PPARGC1A: variants seen among roughly 807,000 people sequenced by gnomAD.
PPARGC1A encodes PPARG coactivator 1 alpha, also known as peroxisome proliferator-activated receptor gamma coactivator 1-alpha.
In PPARGC1A, 25 loss-of-function variants were observed where a neutral mutation model predicts 88.7. The ratio of observed to expected loss-of-function variants is 0.28; its 90% CI spans 0.21 to 0.39. The LOEUF is 0.39. Among genes scored for constraint, PPARGC1A ranks in the 10% least tolerant of loss-of-function variants. The pLI is 1.00. For missense variants in PPARGC1A, 880 were observed against 968.7 expected, an observed-to-expected ratio of 0.91 and a Z score of 1.22; for synonymous variants, 363 against 355.6, an observed-to-expected ratio of 1.02 and a Z score of -0.24.
the PPARGC1A span, among the ~76,000 whole-genome samples, chr4:24,255,292 A>G: frequency 5.3e-5 from 8 of 152,222 alleles, no homozygotes; most frequent in Non-Finnish European, 1.0e-4. Context: ...TAATGCTGTG[A>G]TACTATTATG....
chr4:24,041,862 A>G, the PPARGC1A span, among the ~76,000 whole-genome samples: 361 of 152,056 alleles, frequency 2.4e-3, 1 homozygote, highest in African/African-American at 7.9e-3. Flanking sequence ...AAAGAGTCCT[A>G]CTTTCAGGTG....
chr4:24,393,047 A>ACACACC, the PPARGC1A span, among the ~76,000 whole-genome samples: 3 of 102,474 alleles, frequency 2.9e-5, no homozygotes, highest in Admixed American at 2.2e-4. Context: ...ACACACACAC[A>ACACACC]CCCCTTTTTC....
the PPARGC1A span, among the ~76,000 whole-genome samples, chr4:23,985,088 G>C: frequency 6.6e-6 from 1 of 152,112 alleles, no homozygotes. Context: ...GTGAAAGTTT[G>C]GAGGACAAAA....
At chr4:23,982,204 G>T in the PPARGC1A span, among the ~76,000 whole-genome samples, 1 of 151,832 alleles carries the variant, frequency 6.6e-6, no homozygotes, top group East Asian at 1.9e-4. Flanking sequence ...CTATAGCAAA[G>T]ATCTTCAAAA....
Position 23,849,807 on chromosome 4 carries a change from AT to A in PPARGC1A, c.235-18057del, listed in dbSNP as rs201793553. On this transcript the variant is annotated intron_variant, in intron 2 of 12. Coordinates refer to ENST00000264867, the MANE Select transcript of PPARGC1A (RefSeq NM_013261.5). ...TCTTGTATTTATTTGTAGATTTAGA[AT>A]TTTTTTTTTTTTTTGGAGGGCAGGT... is the stretch of plus-strand genomic sequence containing the variant. Among the ~76,000 whole-genome samples the A allele has an allele frequency of 8.2e-3, 1,183 of 144,380 alleles. 12 individuals are homozygous for A. The highest frequency in any genetic ancestry group is 0.053 in the East Asian group (264 of 4,956). The allele number at this position is 144,380 out of a possible 152,430, so 94.7% of individuals were successfully genotyped here.
the PPARGC1A span, among the ~76,000 whole-genome samples, chr4:24,238,196 T>C: frequency 2.0e-5 from 3 of 152,166 alleles, no homozygotes; most frequent in Non-Finnish European, 2.9e-5. Context: ...CAGAGCCTCA[T>C]CTCTAACCAC....
chr4:24,291,227 C>G, the PPARGC1A span, among the ~76,000 whole-genome samples: 1 of 152,144 alleles, frequency 6.6e-6, no homozygotes, highest in Non-Finnish European at 1.5e-5. Context: ...AAATCCAAAC[C>G]TCTGGGCCTG....
intron 2 of PPARGC1A, among the ~76,000 whole-genome samples, chr4:23,862,095 G>A (rs1357730446): frequency 1.3e-5 from 2 of 152,288 alleles, no homozygotes; most frequent in East Asian, 1.9e-4. Context: ...TCTAATATAT[G>A]CTTTTAAGTA....
At chr4:24,138,963 G>A in the PPARGC1A span, among the ~76,000 whole-genome samples, 1 of 152,074 alleles carries the variant, frequency 6.6e-6, no homozygotes, top group Non-Finnish European at 1.5e-5. Context: ...TGTTTTGGGC[G>A]AGATAGTGTG....
the PPARGC1A span, among the ~76,000 whole-genome samples, chr4:24,255,805 C>G: frequency 6.6e-6 from 1 of 152,208 alleles, no homozygotes; most frequent in South Asian, 2.1e-4. Flanking sequence ...TTTAAGCTAT[C>G]AGATGATGGA....
chr4:23,834,580 A>G (rs1725681352), intron 2 of PPARGC1A, among the ~76,000 whole-genome samples: 1 of 152,176 alleles, frequency 6.6e-6, no homozygotes, highest in South Asian at 2.1e-4. Context: ...ACCTACTTCC[A>G]TAAACTGACC....
chr4:23,913,653 C>G, the PPARGC1A span, among the ~76,000 whole-genome samples: 2 of 152,102 alleles, frequency 1.3e-5, no homozygotes, highest in African/African-American at 4.8e-5. Context: ...GTCTTGTTCA[C>G]AATTATGTTC....
chr4:24,409,335 G>A, the PPARGC1A span, among the ~76,000 whole-genome samples: 5 of 152,338 alleles, frequency 3.3e-5, no homozygotes, highest in Non-Finnish European at 7.3e-5. Flanking sequence ...AGAACCTGCA[G>A]TCAAGAGTAA....
chr4:24,105,864 G>C, the PPARGC1A span, among the ~76,000 whole-genome samples: 38 of 152,174 alleles, frequency 2.5e-4, no homozygotes, highest in African/African-American at 9.2e-4. Context: ...AGCTCACGAA[G>C]TTCCAGTGCA....
chr4:23,934,944 C>T, the PPARGC1A span, among the ~76,000 whole-genome samples: 1 of 152,200 alleles, frequency 6.6e-6, no homozygotes, highest in Non-Finnish European at 1.5e-5. Flanking sequence ...GGAATTGTCT[C>T]TGCATGTGAG....
chr4:24,446,538 GC>G, the PPARGC1A span, among the ~76,000 whole-genome samples: 1 of 151,914 alleles, frequency 6.6e-6, no homozygotes, highest in Admixed American at 6.6e-5. Flanking sequence ...TGTGCTAACG[GC>G]CAGAGGAAAA....
the PPARGC1A span, among the ~76,000 whole-genome samples, chr4:24,198,617 T>C: frequency 6.6e-6 from 1 of 152,166 alleles, no homozygotes; most frequent in East Asian, 1.9e-4. Context: ...CTTTAGCAAT[T>C]AGCAGCCCCT....
chr4:23,833,333 CA>C (rs1725392966), intron 2 of PPARGC1A, among the ~76,000 whole-genome samples: 1 of 152,332 alleles, frequency 6.6e-6, no homozygotes, highest in East Asian at 1.9e-4. Context: ...TTATTGCCAA[CA>C]ATATCTTCTG....
chr4:24,359,629 G>C, the PPARGC1A span, among the ~76,000 whole-genome samples: 1 of 152,150 alleles, frequency 6.6e-6, no homozygotes, highest in Non-Finnish European at 1.5e-5. Flanking sequence ...TAAAGATGTG[G>C]TCATACTGGT....
Sources: gnomAD v4.1 joint callset for allele counts (sites outside exome capture counted in the v4.1 genomes callset) on GRCh38, gnomAD v4.1.1 for gene constraint, MANE v1.5 for transcripts, NCBI Gene and HGNC (gene_info 2026-07-23, HGNC 2026-07-21) for gene names.